Variants in WDR33 observed in about 807,000 individuals in gnomAD.
WDR33 encodes WD repeat domain 33.
Under a neutral mutation model 164.9 loss-of-function variants are expected in WDR33, and 47 were observed. The ratio of observed to expected loss-of-function variants is 0.29; its 90% CI spans 0.23 to 0.36. The LOEUF (loss-of-function observed/expected upper bound fraction) is 0.36. Among genes scored for constraint, WDR33 ranks in the 10% least tolerant of loss-of-function variants. WDR33 has a pLI of 1.00. For missense variants in WDR33, 1,137 were observed against 1,754.1 expected (o/e 0.65, Z 6.28); for synonymous variants, 505 against 589.0 (o/e 0.86, Z 2.06).
At chr2:127,778,110 A>T (rs116435613) in intron 1 of WDR33, among the ~76,000 whole-genome samples, 2,167 of 152,266 alleles carry the variant, frequency 0.014, 64 homozygotes, top group African/African-American at 0.05. Flanking sequence ...CCTAGGCAGA[A>T]TAGCAAGACC....
At chr2:127,733,549 T>C (rs1022450100) in intron 7 of WDR33, among the ~76,000 whole-genome samples, 8 of 152,172 alleles carry the variant, frequency 5.3e-5, no homozygotes, top group African/African-American at 9.6e-5. Context: ...CTGTCCCATA[T>C]GGCACCTATT....
At chr2:127,748,373 C>T (rs963601527) in intron 7 of WDR33, among the ~76,000 whole-genome samples, 1 of 152,172 alleles carries the variant, frequency 6.6e-6, no homozygotes. Flanking sequence ...CTTGTAAATA[C>T]TAACAGTGAA....
In WDR33 at chr2:127,717,191, G is replaced by A; in HGVS notation, c.2833C>T (p.Pro945Ser). Residue 945 changes from proline (P) to serine (S), a missense_variant, in exon 17 of 22, where the codon CCT becomes TCT. Physicochemically the swap from Pro to Ser is moderately conservative, Grantham distance 74. Transcript: ENST00000322313. This position sits in a 1 kb window ranked among gnomAD's most constrained non-coding sequence, Gnocchi z 5.6. ...CCAGGTCCTTGTCCGGGGTTCAGAG[G>A]GGGAATGCGACCTTGTGCTCCCTGC... ...GQQGAQGRIP[P>S]LNPGQGPGPN... The A allele has an allele frequency of 6.2e-7, 1 of 1,609,816 alleles. No homozygotes were observed. The highest frequency in any genetic ancestry group is 8.5e-7 in the Non-Finnish European group (1 of 1,177,956).
chr2:127,739,051 C>G (rs1453910705), intron 7 of WDR33, among the ~76,000 whole-genome samples: 1 of 152,074 alleles, frequency 6.6e-6, no homozygotes, highest in African/African-American at 2.4e-5. Flanking sequence ...ATGTGAAAAC[C>G]AAGGAATACT....
At chr2:127,774,048 CTTTTTT>C (rs776082351) in intron 1 of WDR33, among the ~76,000 whole-genome samples, 33 of 110,780 alleles carry the variant, frequency 3.0e-4, no homozygotes, top group South Asian at 8.5e-4. Flanking sequence ...GCCCAAAAGC[CTTTTTT>C]TTTTTTTTTT....
chr2:127,790,085 C>T (rs1688793091), intron 1 of WDR33, among the ~76,000 whole-genome samples: 1 of 152,182 alleles, frequency 6.6e-6, no homozygotes, highest in Non-Finnish European at 1.5e-5. Flanking sequence ...GATACTCCTG[C>T]CTCAGCCTCC....
intron 7 of WDR33, among the ~76,000 whole-genome samples, chr2:127,761,446 C>T (rs1233235274): frequency 6.6e-6 from 1 of 152,202 alleles, no homozygotes; most frequent in Non-Finnish European, 1.5e-5. Flanking sequence ...GTGATCCGCC[C>T]ACCTCGGCCT....
At position 127,724,283 on chromosome 2, in the gene WDR33, T is replaced by A. The variant is rs767178059; in HGVS notation, c.1196+50A>T. 4.3e-6 allele frequency: 6 copies of A among 1,393,888 alleles called. No individual in the cohort carries two copies. The African/African-American group carries it at 8.6e-5, about 20-fold the overall frequency. The allele number at this position is 1,393,888 out of a possible 1,614,324, so 86.3% of individuals were successfully genotyped here. The stretch of plus-strand genomic sequence containing the variant: ...AATAAAAATAAACACATACAGTATT[T>A]ATTTCCTGTTGCTCCATATAAAGCT... On this transcript the variant is annotated intron_variant, in intron 11 of 21. Transcript: ENST00000322313. The surrounding 1 kb of genome is among the most constrained non-coding windows in gnomAD (Gnocchi z 4.8).
chr2:127,807,065 C>T (rs114611657), intron 1 of WDR33, among the ~76,000 whole-genome samples: 7 of 152,006 alleles, frequency 4.6e-5, no homozygotes, highest in African/African-American at 1.7e-4. Context: ...AAGTACAATG[C>T]GCAATCTCAG....
At chr2:127,749,568 A>G (rs915309828) in intron 7 of WDR33, among the ~76,000 whole-genome samples, 15 of 151,472 alleles carry the variant, frequency 9.9e-5, no homozygotes, top group African/African-American at 3.6e-4. Context: ...AGGCTGAGGC[A>G]GGAGAATCAC....
In WDR33 at chr2:127,712,602, C is replaced by G. The variant is rs774103388; in HGVS notation, c.3308+981G>C. On this transcript the variant is annotated intron_variant, in intron 18 of 21. Coordinates refer to ENST00000322313, the MANE Select transcript of WDR33 (RefSeq NM_018383.5). The surrounding 1 kb of genome is among the most constrained non-coding windows in gnomAD (Gnocchi z 4.0). ...GATGCTGACAGTCGCACCTATCTCA[C>G]AAATTCTTTAAATAAAATGAGTTAA... Among the ~76,000 whole-genome samples the G allele has an allele frequency of 9.9e-5, 15 of 152,190 alleles. No individual in the cohort carries two copies. Among genetic ancestry groups the G allele is most frequent in the Non-Finnish European group, 1.9e-4 (13 of 68,034 alleles).
chr2:127,702,357 C>T lies in WDR33; in HGVS notation c.*3966G>A. The T allele has an allele frequency of 6.2e-6, 3 of 483,546 alleles. No homozygotes were observed. Among genetic ancestry groups the T allele is most frequent in the Non-Finnish European group, 9.5e-6 (3 of 314,396 alleles). 30.0% of individuals were successfully genotyped at this position (483,546 alleles called of 1,614,324 possible). A position where few individuals can be genotyped will look rare whatever the true frequency, so the allele number is the denominator to read the frequency against. On this transcript the variant is annotated 3_prime_UTR_variant, in exon 22 of 22. Transcript: ENST00000322313. ...GCGGAGGCGACAGCAGCGTTGGGAGCTCCTCGATGTCAGCTTTTTGTGCTG... is the reference window on the plus strand; with the variant it reads ...GCGGAGGCGACAGCAGCGTTGGGAGTTCCTCGATGTCAGCTTTTTGTGCTG...
intron 1 of WDR33, among the ~76,000 whole-genome samples, chr2:127,778,090 T>C (rs1291952030): frequency 6.6e-6 from 1 of 152,022 alleles, no homozygotes; most frequent in Non-Finnish European, 1.5e-5. Flanking sequence ...GGCCAGGAGT[T>C]GGAGACAAGC....
In WDR33 at chr2:127,763,080, C is replaced by T; in HGVS notation, c.706G>A (p.Glu236Lys). ...VRIWDFLRCH[E>K]ERILRGHGAD... The stretch of plus-strand genomic sequence containing the variant: ...CACGTACCTCGGAGAATTCTTTCCT[C>T]ATGGCAACGAAGAAAGTCCCAGATT... The change falls in exon 7 of 22, where the codon GAG (glutamate) becomes AAG (lysine). Residue 236 changes from glutamate to lysine, a missense_variant. By Grantham distance (56) the Glu-to-Lys change is moderately conservative. Around this residue, in one of 9 missense-constraint regions of WDR33, gnomAD observed 83 missense variants for 189.2 expected, o/e 0.44. Coordinates refer to ENST00000322313, the MANE Select transcript of WDR33 (RefSeq NM_018383.5). This position sits in a 1 kb window ranked among gnomAD's most constrained non-coding sequence, Gnocchi z 4.5. The T allele has an allele frequency of 6.2e-7, 1 of 1,614,054 alleles. No homozygotes were observed. The highest frequency in any genetic ancestry group is 8.5e-7 in the Non-Finnish European group (1 of 1,179,926).
At chr2:127,739,343 T>TC (rs145220976) in intron 7 of WDR33, among the ~76,000 whole-genome samples, 3,278 of 152,048 alleles carry the variant, frequency 0.022, 125 homozygotes, top group African/African-American at 0.075. Context: ...GACTATGATT[T>TC]CCCCCCCGTA....
rs538687940 is a variant in WDR33, at chr2:127,707,823, C to T, written c.3781+854G>A. ...CTCTAAAAACACAAAAGCATGGTGG[C>T]GCACACCTGTAGTTCCAGCTACTGG... On this transcript the variant is annotated intron_variant, in intron 21 of 21. Coordinates refer to ENST00000322313, the MANE Select transcript of WDR33 (RefSeq NM_018383.5). 7.9e-5 allele frequency among the ~76,000 whole-genome samples: 12 copies of T among 152,254 alleles called. No homozygotes were observed. In the South Asian group the frequency reaches 8.3e-4, roughly 11 times the overall value.
rs1686346403 is a variant in WDR33 at position 127,718,374 on chromosome 2, G to A, written c.2760+891C>T. On this transcript the variant is annotated intron_variant, in intron 16 of 21. Transcript: ENST00000322313. The surrounding 1 kb of genome is among the most constrained non-coding windows in gnomAD (Gnocchi z 4.4). ...ACTGGACCAAAAGTGAGTTTTCAGG[G>A]ACAAAACTCAGTTATTCATACCCAA... 6.6e-6 allele frequency among the ~76,000 whole-genome samples: 1 copy of A among 151,932 alleles called. No individual in the cohort carries two copies. The highest frequency in any genetic ancestry group is 2.4e-5 in the African/African-American group (1 of 41,336).
At chr2:127,779,363 G>A (rs1688294919) in intron 1 of WDR33, among the ~76,000 whole-genome samples, 2 of 152,190 alleles carry the variant, frequency 1.3e-5, no homozygotes, top group Non-Finnish European at 1.5e-5. Flanking sequence ...CTACTTGGGA[G>A]GCTGGGGCAG....
chr2:127,709,439 A>C lies in WDR33; in HGVS notation c.3565+51T>G, dbSNP rs766403878. The C allele has an allele frequency of 7.6e-6, 12 of 1,580,562 alleles. No homozygotes were observed. The Admixed American group carries it at 1.3e-4, about 18-fold the overall frequency. On this transcript the variant is annotated intron_variant, in intron 20 of 21. Transcript: ENST00000322313. The surrounding 1 kb of genome is among the most constrained non-coding windows in gnomAD (Gnocchi z 5.0). ...ACCCCAGAGAGGGCCCTCAGAACTC[A>C]CTTTGTGAACTGCAGTCTAGAGTTA...
Sources: gnomAD v4.1 joint callset for allele counts (sites outside exome capture counted in the v4.1 genomes callset) on GRCh38, gnomAD v4.1.1 for gene constraint, gnomAD v4.1.1 regional missense constraint, Gnocchi (gnomAD v3.1) non-coding constraint, MANE v1.5 for transcripts, NCBI Gene and HGNC (gene_info 2026-07-23, HGNC 2026-07-21) for gene names.